The following CCDC22 variants were observed in gnomAD, a reference collection of about 807,000 sequenced individuals.
CCDC22 encodes coiled-coil domain-containing protein 22.
A neutral mutation model predicts 53.1 loss-of-function variants in CCDC22; 4 were observed. That is an observed-to-expected ratio of 0.08 (90% CI 0.04 to 0.17). The LOEUF (loss-of-function observed/expected upper bound fraction) is 0.17. Among genes scored for constraint, CCDC22 ranks in the 10% least tolerant of loss-of-function variants. The pLI is 1.00. For synonymous variants in CCDC22, 222 were observed against 224.4 expected (o/e 0.99, Z 0.10); for missense variants, 458 against 554.0 (o/e 0.83, Z 1.74).
chrX:49,241,472 G>A (rs1557113349), intron 2 of CCDC22, among the ~76,000 whole-genome samples: 1 of 87,245 alleles, frequency 1.1e-5, no homozygotes, highest in African/African-American at 4.2e-5. Context: ...GAGCGACAGA[G>A]CGAGACCCTG....
At chrX:49,248,774 G>A (rs782486679) in intron 12 of CCDC22, 40 bp downstream of exon 12, 5 of 1,204,328 alleles carry the variant, frequency 4.2e-6, no homozygotes, top group South Asian at 1.8e-5. Context: ...TTAGGAGGGT[G>A]GGGGGATGGT....
At chrX:49,248,009 G>A (rs1439468251) in intron 9 of CCDC22, among the ~76,000 whole-genome samples, 182 bp from the exon 10 acceptor site, 16 of 110,828 alleles carry the variant, frequency 1.4e-4, no homozygotes, top group Non-Finnish European at 2.3e-4. Flanking sequence ...AGGGGTCCTC[G>A]GAGGGTCTGT....
At chrX:49,247,030 C>T in intron 7 of CCDC22, 105 bp downstream of exon 7, 1 of 723,824 alleles carries the variant, frequency 1.4e-6, no homozygotes, top group Non-Finnish European at 2.1e-6. Context: ...TCCTGTGTTC[C>T]CACTGGACAG....
chrX:49,249,816 C>G lies in CCDC22; in HGVS notation c.1770+91C>G, dbSNP rs1265791932. On this transcript the variant is annotated intron_variant, in intron 16 of 16. Coordinates refer to ENST00000376227, the MANE Select transcript of CCDC22 (RefSeq NM_014008.5). Reference sequence around the variant, plus strand: ...ACAGAGGCTGTGGAGCCACACACAGCCGATGGCTGGACACCCAGCCCTGCC... The same window carrying G: ...ACAGAGGCTGTGGAGCCACACACAGGCGATGGCTGGACACCCAGCCCTGCC... 6.3e-6 allele frequency: 5 copies of G among 799,150 alleles called. No homozygotes were observed. In the African/African-American group the frequency reaches 8.1e-5, roughly 13 times the overall value. 65.9% of individuals were successfully genotyped at this position (799,150 alleles called of 1,213,427 possible). A position where few individuals can be genotyped will look rare whatever the true frequency, so the allele number is the denominator to read the frequency against.
rs1557114288 is a variant in CCDC22 at position 49,246,873 on chromosome X, G to T, written c.857G>T (p.Gly286Val). 1 of 1,201,743 alleles carries T rather than the reference G, an allele frequency of 8.3e-7. No individual in the cohort carries two copies. The highest frequency in any genetic ancestry group is 1.8e-5 in the South Asian group (1 of 55,226). Reference protein sequence around the residue: ...LQAWGAGAKTGAPKGSRFTHS... With the variant: ...LQAWGAGAKTVAPKGSRFTHS... ...GCCTGGGGTGCTGGGGCCAAGACTGGTGCTCCTAAGGGCTCCCGCTTCACG... is the reference window on the plus strand; with the variant it reads ...GCCTGGGGTGCTGGGGCCAAGACTGTTGCTCCTAAGGGCTCCCGCTTCACG... The change falls in exon 7 of 17, where the codon GGT becomes GTT. Residue 286 changes from glycine (G) to valine (V), a missense_variant. Around this residue, in one of 4 missense-constraint regions of CCDC22, gnomAD observed 309 missense variants for 312.3 expected, o/e 0.99. Transcript: ENST00000376227.
intron 6 of CCDC22, among the ~76,000 whole-genome samples, chrX:49,245,677 C>T (rs6520413): frequency 0.52 from 58,633 of 111,746 alleles, 13,208 homozygotes; most frequent in Non-Finnish European, 0.72. Context: ...GGCTGTCTGT[C>T]TTTGTTTTTA....
intron 2 of CCDC22, among the ~76,000 whole-genome samples, chrX:49,238,205 C>T (rs782337473): frequency 1.0e-4 from 11 of 109,671 alleles, no homozygotes; most frequent in Non-Finnish European, 1.9e-4. Context: ...CTCAGCCTCC[C>T]GAGTAGCTGG....
At chrX:49,236,825 A>G (rs1557112773) in intron 1 of CCDC22, 1 of 316,469 alleles carries the variant, frequency 3.2e-6, no homozygotes, top group Non-Finnish European at 5.5e-6. Flanking sequence ...TCACCTTCCC[A>G]GACTCCCAAA....
chrX:49,235,762 C>T, intron 1 of CCDC22, 76 bp downstream of exon 1: 1 of 921,499 alleles, frequency 1.1e-6, no homozygotes, highest in Non-Finnish European at 1.5e-6. Context: ...TTCCCGGGAA[C>T]CTTAAAACCC....
chrX:49,247,578 G>T lies in CCDC22; in HGVS notation c.972+20G>T. The T allele has an allele frequency of 8.4e-7, 1 of 1,191,911 alleles. No individual in the cohort carries two copies. Among genetic ancestry groups the T allele is most frequent in the East Asian group, 3.1e-5 (1 of 32,674 alleles). On this transcript the variant is annotated intron_variant, in intron 8 of 16. Transcript: ENST00000376227. ...GAACAGGTGAGCAGAGTGGTTTGGA[G>T]GGGGGTGTCCCAGGCCCTTGCTTGT... is the stretch of plus-strand genomic sequence containing the variant.
intron 6 of CCDC22, among the ~76,000 whole-genome samples, chrX:49,244,279 CTCT>C (rs1569529270): frequency 9.0e-6 from 1 of 111,013 alleles, no homozygotes; most frequent in African/African-American, 3.3e-5. Flanking sequence ...CCCCCTTCTC[CTCT>C]GTCTACTTCT....
intron 2 of CCDC22, among the ~76,000 whole-genome samples, chrX:49,239,932 G>C (rs1427149873): frequency 9.1e-6 from 1 of 109,594 alleles, no homozygotes; most frequent in Non-Finnish European, 1.9e-5. Flanking sequence ...GGGGGTTAGT[G>C]ACTATGGCTT....
At chrX:49,243,261 G>A (rs376936166) in intron 5 of CCDC22, 23 bp from the exon 6 acceptor site, 2 of 1,199,436 alleles carry the variant, frequency 1.7e-6, no homozygotes, top group Non-Finnish European at 2.3e-6. Flanking sequence ...GGCAGGGCCA[G>A]CTGACTCTGT....
Position 49,250,415 on chromosome X carries a change from A to C in CCDC22, c.*154A>C, listed in dbSNP as rs1557115265. On this transcript the variant is annotated 3_prime_UTR_variant, in exon 17 of 17. Transcript: ENST00000376227. ...CCCCTGCCCACTGACCGCAACCCTT[A>C]TATGGGGTGATAGTCCAGCATGTGG... 2.0e-6 allele frequency: 1 copy of C among 509,952 alleles called. No individual in the cohort carries two copies. Among genetic ancestry groups the C allele is most frequent in the Non-Finnish European group, 3.5e-6 (1 of 282,720 alleles). The allele number at this position is 509,952 out of a possible 1,213,427, so 42.0% of individuals were successfully genotyped here.
In CCDC22 at chrX:49,246,592, G is replaced by A. The variant is rs1275196490; in HGVS notation, c.715-139G>A. 1.1e-5 allele frequency: 5 copies of A among 474,140 alleles called. No homozygotes were observed. In the East Asian group the frequency reaches 1.2e-4, roughly 11 times the overall value. 39.1% of individuals were successfully genotyped at this position (474,140 alleles called of 1,213,427 possible). A position where few individuals can be genotyped will look rare whatever the true frequency, so the allele number is the denominator to read the frequency against. On this transcript the variant is annotated intron_variant, in intron 6 of 16. Transcript: ENST00000376227. ...GCTGGTGGAGCAGGAGAGTAGAGCA[G>A]GGCCTGCCTTAGTGGGAAGGCTGGA...
At chrX:49,244,120 G>A (rs1201111557) in intron 6 of CCDC22, among the ~76,000 whole-genome samples, 1 of 112,136 alleles carries the variant, frequency 8.9e-6, no homozygotes, top group Non-Finnish European at 1.9e-5. Context: ...ACTTGTCACT[G>A]ATGTTCATTT....
intron 2 of CCDC22, chrX:49,239,469 G>A (rs782058217): frequency 1.7e-4 from 128 of 739,526 alleles, no homozygotes; most frequent in Middle Eastern, 7.7e-4. Flanking sequence ...ATAGTGAATG[G>A]AAACACTTTG....
chrX:49,249,565 C>A lies in CCDC22; in HGVS notation c.1692C>A (p.His564Gln). The change falls in exon 15 of 17, where the codon CAC becomes CAA. Residue 564 changes from histidine (H) to glutamine (Q), a missense_variant. This residue lies in a region of CCDC22 where 48 missense variants were observed against 83.4 expected (regional missense o/e 0.58). Transcript: ENST00000376227. ...RKAYKYLAAL[H>Q]ENCSQLIQTI... ...CCTATAAGTATCTAGCTGCTCTGCACGAGGTGAGGGGAGACATGTGCCTGG... is the reference window on the plus strand; with the variant it reads ...CCTATAAGTATCTAGCTGCTCTGCAAGAGGTGAGGGGAGACATGTGCCTGG... 1 of 963,848 alleles carries A rather than the reference C, an allele frequency of 1.0e-6. No individual in the cohort carries two copies. The highest frequency in any genetic ancestry group is 1.3e-6 in the Non-Finnish European group (1 of 748,049). 79.4% of individuals were successfully genotyped at this position (963,848 alleles called of 1,213,427 possible).
intron 3 of CCDC22, among the ~76,000 whole-genome samples, chrX:49,242,573 C>T (rs2065969401): frequency 9.0e-6 from 1 of 111,671 alleles, no homozygotes; most frequent in South Asian, 3.8e-4. Flanking sequence ...GCAGCCCTCT[C>T]CTGATCCCCA....
Sources: gnomAD v4.1 joint callset for allele counts (sites outside exome capture counted in the v4.1 genomes callset) on GRCh38, gnomAD v4.1.1 for gene constraint, gnomAD v4.1.1 regional missense constraint, MANE v1.5 for transcripts, NCBI Gene and HGNC (gene_info 2026-07-23, HGNC 2026-07-21) for gene names.